PPP2R3A: variants seen among roughly 807,000 people sequenced by gnomAD.
PPP2R3A encodes the protein serine/threonine-protein phosphatase 2A regulatory subunit B'' subunit alpha.
In PPP2R3A, 80 loss-of-function variants were observed where a neutral mutation model predicts 106.9. That is an observed-to-expected ratio of 0.75 (90% CI 0.62 to 0.90). The LOEUF is 0.90. PPP2R3A is among the 40% of genes least tolerant of loss of function. The probability of loss-of-function intolerance (pLI) is 0.00; values close to 1 mark genes in which losing one functional copy is unlikely to be tolerated. For synonymous variants in PPP2R3A, 483 were observed against 468.3 expected, an observed-to-expected ratio of 1.03 and a Z score of -0.41; for missense variants, 1,386 against 1,350.4, an observed-to-expected ratio of 1.03 and a Z score of -0.41.
rs1246326384 is a variant in PPP2R3A, at chr3:136,041,250, G to GTTTTTTTTTTTTTTTTT, written c.2366+299_2366+300insTTTTTTTTTTTTTTTTT. On this transcript the variant is annotated intron_variant, in intron 4 of 13. Transcript: ENST00000264977. ...CTTGGTTTTTCTTGTTTTTTTTTTTGTTTTTTTTTTTGTTTTTTTTTTTTT... is the reference window on the plus strand; with the variant it reads ...CTTGGTTTTTCTTGTTTTTTTTTTTGTTTTTTTTTTTTTTTTTTTTTTTTTTTTGTTTTTTTTTTTTT... Among the ~76,000 whole-genome samples, 30 of 56,550 alleles carry GTTTTTTTTTTTTTTTTT rather than the reference G, an allele frequency of 5.3e-4. 3 individuals carry two copies. Among genetic ancestry groups the GTTTTTTTTTTTTTTTTT allele is most frequent in the African/African-American group, 6.5e-4 (11 of 16,874 alleles). 37.1% of individuals were successfully genotyped at this position (56,550 alleles called of 152,430 possible).
chr3:136,028,476 T>G (rs775490616), intron 3 of PPP2R3A, among the ~76,000 whole-genome samples: 2 of 152,240 alleles, frequency 1.3e-5, no homozygotes, highest in Non-Finnish European at 1.5e-5. Context: ...ACTGCAGTTC[T>G]ACAAGTACTT....
chr3:136,119,495 C>G (rs896681463), intron 13 of PPP2R3A, among the ~76,000 whole-genome samples: 10 of 152,240 alleles, frequency 6.6e-5, no homozygotes, highest in African/African-American at 2.2e-4. Flanking sequence ...CCAAAATCTA[C>G]AAAGAACTTA....
At chr3:136,113,816 G>T (rs147665058) in intron 13 of PPP2R3A, among the ~76,000 whole-genome samples, 8 of 151,662 alleles carry the variant, frequency 5.3e-5, no homozygotes, top group African/African-American at 1.2e-4. Context: ...AAAAGAGAGA[G>T]ACTTAAATGT....
chr3:135,967,928 T>C (rs1937136402), intron 1 of PPP2R3A, among the ~76,000 whole-genome samples: 1 of 152,176 alleles, frequency 6.6e-6, no homozygotes, highest in Admixed American at 6.5e-5. Context: ...TACTGAGGAA[T>C]AGATACCAGT....
chr3:135,982,794 C>T (rs1389386831), intron 1 of PPP2R3A, among the ~76,000 whole-genome samples: 1 of 152,154 alleles, frequency 6.6e-6, no homozygotes, highest in African/African-American at 2.4e-5. Context: ...CATGCATACA[C>T]ACACACCTTT....
chr3:136,012,034 T>C (rs1934104543), intron 2 of PPP2R3A, among the ~76,000 whole-genome samples: 1 of 151,394 alleles, frequency 6.6e-6, no homozygotes, highest in African/African-American at 2.4e-5. Context: ...AGGAAGACAC[T>C]GGGGCAGAGT....
intron 2 of PPP2R3A, chr3:136,022,649 A>T: frequency 1.8e-6 from 1 of 548,584 alleles, no homozygotes; most frequent in Non-Finnish European, 2.3e-6. Context: ...CCCTGAGTTT[A>T]AGAAGTTAGC....
chr3:136,013,564 T>TA (rs1292393079), intron 2 of PPP2R3A, among the ~76,000 whole-genome samples: 1 of 152,200 alleles, frequency 6.6e-6, no homozygotes, highest in East Asian at 1.9e-4. Flanking sequence ...AGTAAGGTGG[T>TA]ATCGCATTGT....
At chr3:136,059,880 CAG>C (rs1433189749) in intron 5 of PPP2R3A, among the ~76,000 whole-genome samples, 2 of 152,170 alleles carry the variant, frequency 1.3e-5, no homozygotes, top group Non-Finnish European at 1.5e-5. Flanking sequence ...AACACAAAAA[CAG>C]AAAACCAAAT....
intron 1 of PPP2R3A, among the ~76,000 whole-genome samples, chr3:135,970,037 T>C (rs1359558753): frequency 2.0e-5 from 3 of 152,202 alleles, no homozygotes; most frequent in African/African-American, 4.8e-5. Context: ...TGGTTGCACA[T>C]TGGAATCACT....
intron 10 of PPP2R3A, among the ~76,000 whole-genome samples, chr3:136,095,432 C>T (rs537532747): frequency 6.6e-6 from 1 of 152,262 alleles, no homozygotes; most frequent in East Asian, 1.9e-4. Flanking sequence ...ATTTAATCCT[C>T]ATATCACTAT....
chr3:136,133,901 A>C (rs2108021617), intron 13 of PPP2R3A, among the ~76,000 whole-genome samples: 1 of 150,928 alleles, frequency 6.6e-6, no homozygotes, highest in South Asian at 2.1e-4. Flanking sequence ...AAAAAAAAAA[A>C]AAAAAAAGAA....
At chr3:136,068,689 T>C (rs1576477547) in intron 5 of PPP2R3A, among the ~76,000 whole-genome samples, 2 of 152,306 alleles carry the variant, frequency 1.3e-5, no homozygotes, top group South Asian at 4.1e-4. Flanking sequence ...TGAGAGAACT[T>C]TTGAGGAGAA....
At chr3:135,980,643 A>G (rs1331314118) in intron 1 of PPP2R3A, among the ~76,000 whole-genome samples, 1 of 151,866 alleles carries the variant, frequency 6.6e-6, no homozygotes, top group African/African-American at 2.4e-5. Context: ...AAAAATTTCC[A>G]TAAGGTGTAT....
intron 13 of PPP2R3A, among the ~76,000 whole-genome samples, chr3:136,121,137 C>T (rs76762195): frequency 0.044 from 6,737 of 152,100 alleles, 461 homozygotes; most frequent in African/African-American, 0.14. Context: ...TGCACTTATA[C>T]GTCCATCATA....
chr3:135,997,176 A>G (rs1360311509), intron 1 of PPP2R3A, among the ~76,000 whole-genome samples: 1 of 152,162 alleles, frequency 6.6e-6, no homozygotes, highest in African/African-American at 2.4e-5. Context: ...CAAAAAAACT[A>G]ATGGAAAATC....
In PPP2R3A at chr3:136,106,274, A is replaced by G. The variant is rs1193463588; in HGVS notation, c.3281A>G (p.Tyr1094Cys). The change falls in exon 13 of 14, where the codon TAT becomes TGT. Residue 1094 changes from tyrosine to cysteine, a missense_variant. Coordinates refer to ENST00000264977, the MANE Select transcript of PPP2R3A (RefSeq NM_002718.5). ...TGGGACCGGTTTGCCGCTGAGGAGT[A>G]TGAGACGCTTGTTGCAGAGGAATCT... The part of the protein sequence containing the change: ...SDWDRFAAEE[Y>C]ETLVAEESAQ... 3 of 1,613,836 alleles carry G rather than the reference A, an allele frequency of 1.9e-6. No homozygotes were observed. The highest frequency in any genetic ancestry group is 2.5e-6 in the Non-Finnish European group (3 of 1,179,942).
At chr3:136,140,870 G>A (rs113053506) in intron 13 of PPP2R3A, among the ~76,000 whole-genome samples, 6,710 of 152,146 alleles carry the variant, frequency 0.044, 486 homozygotes, top group African/African-American at 0.15. Flanking sequence ...AGATCACGCC[G>A]TTGCCCTCCT....
intron 1 of PPP2R3A, among the ~76,000 whole-genome samples, chr3:135,989,111 A>G (rs1559853948): frequency 6.6e-6 from 1 of 152,074 alleles, no homozygotes; most frequent in Non-Finnish European, 1.5e-5. Flanking sequence ...CGTTTTTTGG[A>G]GATCCAGTAT....
Sources: allele counts gnomAD v4.1 joint callset (sites outside exome capture counted in the v4.1 genomes callset), GRCh38; gene constraint gnomAD v4.1.1; transcripts MANE v1.5; gene names NCBI Gene and HGNC (gene_info 2026-07-23, HGNC 2026-07-21).